Variants in ANO4 observed in about 807,000 individuals in gnomAD.
ANO4 encodes anoctamin 4.
A neutral mutation model predicts 141.9 loss-of-function variants in ANO4; 69 were observed. The ratio of observed to expected loss-of-function variants is 0.49; its 90% CI spans 0.40 to 0.59. ANO4 has a LOEUF of 0.59. Among genes scored for constraint, ANO4 ranks in the 20% least tolerant of loss-of-function variants. The pLI is 0.00. For missense variants in ANO4, 894 were observed against 1,162.2 expected (o/e 0.77, Z 3.36); for synonymous variants, 350 against 394.3 (o/e 0.89, Z 1.33).
chr12:100,912,544 C>T (rs556048077), intron 2 of ANO4, among the ~76,000 whole-genome samples: 1 of 149,520 alleles, frequency 6.7e-6, no homozygotes, highest in Non-Finnish European at 1.5e-5. Flanking sequence ...AAAAAAAAAA[C>T]AAAAAAACAA....
chr12:101,068,817 A>G, intron 14 of ANO4: 5 of 1,109,908 alleles, frequency 4.5e-6, no homozygotes, highest in East Asian at 2.4e-5. Flanking sequence ...AAAAGTATCT[A>G]TTGAAGGTTG....
intron 7 of ANO4, among the ~76,000 whole-genome samples, chr12:100,983,731 A>G (rs1377138884): frequency 2.0e-5 from 3 of 152,164 alleles, no homozygotes; most frequent in Non-Finnish European, 4.4e-5. Context: ...CCTGCTAGAG[A>G]AAGTTCTGCT....
chr12:101,064,021 AT>A (rs2048470683), intron 14 of ANO4, among the ~76,000 whole-genome samples: 1 of 151,198 alleles, frequency 6.6e-6, no homozygotes, highest in Admixed American at 6.6e-5. Flanking sequence ...TTCATTTTTC[AT>A]TGATTTTTGC....
chr12:101,083,387 C>T (rs1174806196), intron 15 of ANO4, among the ~76,000 whole-genome samples: 4 of 152,138 alleles, frequency 2.6e-5, no homozygotes, highest in African/African-American at 9.7e-5. Flanking sequence ...AAATACCATT[C>T]TCAGGGTGGT....
At chr12:101,053,548 T>C (rs547782557) in intron 14 of ANO4, among the ~76,000 whole-genome samples, 2 of 152,252 alleles carry the variant, frequency 1.3e-5, no homozygotes, top group South Asian at 2.1e-4. Context: ...TGGCTGATGG[T>C]CCTTGGCCTT....
intron 14 of ANO4, among the ~76,000 whole-genome samples, chr12:101,060,811 G>C (rs1464543176): frequency 6.6e-6 from 1 of 152,002 alleles, no homozygotes; most frequent in African/African-American, 2.4e-5. Flanking sequence ...GCACACAGAT[G>C]GGTGGTCTTG....
intron 8 of ANO4, among the ~76,000 whole-genome samples, chr12:101,006,349 G>T (rs539730971): frequency 6.6e-6 from 1 of 152,068 alleles, no homozygotes; most frequent in Admixed American, 6.5e-5. Flanking sequence ...TCACCATTTT[G>T]TCTTATTAGG....
chr12:101,015,413 A>AT (rs1414890414), intron 8 of ANO4, among the ~76,000 whole-genome samples: 2 of 118,950 alleles, frequency 1.7e-5, no homozygotes, highest in Non-Finnish European at 3.7e-5. Flanking sequence ...TGTCTTGGAG[A>AT]TTTTTTTAGA....
intron 7 of ANO4, among the ~76,000 whole-genome samples, chr12:100,978,633 G>C (rs2044310512): frequency 6.6e-6 from 1 of 152,090 alleles, no homozygotes; most frequent in East Asian, 1.9e-4. Context: ...TCTGCCCCCT[G>C]GATGGATAAA....
chr12:100,992,874 A>C (rs1369153665), intron 8 of ANO4, among the ~76,000 whole-genome samples: 1 of 152,196 alleles, frequency 6.6e-6, no homozygotes, highest in East Asian at 1.9e-4. Context: ...CTGTACAAAA[A>C]TATTAAAGTT....
At chr12:100,960,404 G>A (rs994107659) in intron 5 of ANO4, among the ~76,000 whole-genome samples, 1 of 151,856 alleles carries the variant, frequency 6.6e-6, no homozygotes, top group Admixed American at 6.6e-5. Flanking sequence ...TGACAGTTTT[G>A]TATAACCTTT....
In ANO4 at chr12:101,039,963, T is replaced by C. The variant is rs944147928; in HGVS notation, c.906T>C (p.Tyr302=). 6.2e-6 allele frequency: 10 copies of C among 1,611,740 alleles called. No individual in the cohort carries two copies. The highest frequency in any genetic ancestry group is 4.0e-5 in the African/African-American group (3 of 74,866). ...EAAFPLHEGS[Y]RSKNSIRTHG... is the part of the protein sequence containing the mutation. ...TGGTGTTTTTATCCCAGGGAAGTTA[T>C]AGAAGTAAAAACTCCATTCGAACCC... is the stretch of plus-strand genomic sequence containing the variant. The change falls in exon 11 of 28, where the codon TAT becomes TAC. Residue 302 remains tyrosine (Y), a synonymous_variant. Transcript: ENST00000392977.
chr12:101,043,319 C>T (rs931469514), intron 12 of ANO4, among the ~76,000 whole-genome samples: 13 of 152,142 alleles, frequency 8.5e-5, no homozygotes, highest in Non-Finnish European at 1.8e-4. Flanking sequence ...CTGAGTTTAA[C>T]TTATTAATAC....
chr12:100,861,212 T>C (rs2038455328), intron 1 of ANO4, among the ~76,000 whole-genome samples: 1 of 152,208 alleles, frequency 6.6e-6, no homozygotes, highest in African/African-American at 2.4e-5. Context: ...TGGTGCATTT[T>C]ACAAACCTCT....
intron 3 of ANO4, among the ~76,000 whole-genome samples, chr12:100,742,497 C>T (rs1365377065): frequency 1.3e-5 from 2 of 152,160 alleles, no homozygotes; most frequent in East Asian, 3.9e-4. Flanking sequence ...CTAGGATACC[C>T]TACAAATTCC....
chr12:101,059,713 G>A (rs1196827696), intron 14 of ANO4, among the ~76,000 whole-genome samples: 1 of 152,118 alleles, frequency 6.6e-6, no homozygotes, highest in Non-Finnish European at 1.5e-5. Flanking sequence ...ATTTCTGTGG[G>A]ATCAGTGGTT....
At chr12:100,927,790 A>G (rs1221013332) in intron 3 of ANO4, among the ~76,000 whole-genome samples, 1 of 152,064 alleles carries the variant, frequency 6.6e-6, no homozygotes, top group East Asian at 1.9e-4. Flanking sequence ...GATTCCCAGC[A>G]TATCTGGATA....
rs554775000 is a variant in ANO4 at position 100,774,180 on chromosome 12, T to C, written c.358+34075T>C. Among the ~76,000 whole-genome samples the C allele has an allele frequency of 3.6e-5, 5 of 138,300 alleles. No homozygotes were observed. The East Asian group carries it at 8.0e-4, about 22-fold the overall frequency. The allele number at this position is 138,300 out of a possible 152,430, so 90.7% of individuals were successfully genotyped here. On this transcript the variant is annotated intron_variant, in intron 3 of 29. Coordinates refer to the ANO4 transcript ENST00000644049. The stretch of plus-strand genomic sequence containing the variant: ...TAACCGTCTGTGCATCCTATGTGGT[T>C]TTACCCTCTCAGTAAAACAAGTCTA...
chr12:100,975,955 A>AAC (rs1555266336), intron 7 of ANO4, among the ~76,000 whole-genome samples: 1,557 of 124,474 alleles, frequency 0.013, 77 homozygotes, highest in South Asian at 0.021. Context: ...GAAAAAAAAA[A>AAC]CCCACCAGAT....
Sources: gnomAD v4.1 joint callset for allele counts (sites outside exome capture counted in the v4.1 genomes callset) on GRCh38, gnomAD v4.1.1 for gene constraint, MANE v1.5 for transcripts, NCBI Gene and HGNC (gene_info 2026-07-23, HGNC 2026-07-21) for gene names.